The following OTOGL variants were observed in gnomAD, a reference collection of about 807,000 sequenced individuals.
OTOGL encodes the protein otogelin-like protein.
A neutral mutation model predicts 318.5 loss-of-function variants in OTOGL; 285 were observed. The observed-to-expected ratio is 0.89, with a 90% CI of 0.81 to 0.99. The LOEUF is 0.99. Among genes scored for constraint, OTOGL ranks in the 50% least tolerant of loss-of-function variants. OTOGL has a pLI of 0.00. For missense variants in OTOGL, 2,899 were observed against 2,845.6 expected, an observed-to-expected ratio of 1.02 and a Z score of -0.43; for synonymous variants, 987 against 936.5, an observed-to-expected ratio of 1.05 and a Z score of -0.99.
At chr12:80,196,859 T>C in intron 1 of OTOGL, among the ~76,000 whole-genome samples, 1 of 152,142 alleles carries the variant, frequency 6.6e-6, no homozygotes, top group East Asian at 1.9e-4. Context: ...CTTCCAAATT[T>C]AACCTGAGAC....
chr12:80,201,542 C>A (rs74108555), intron 1 of OTOGL, among the ~76,000 whole-genome samples: 4,957 of 152,228 alleles, frequency 0.033, 214 homozygotes, highest in East Asian at 0.18. Flanking sequence ...TGACTAGGCC[C>A]TGCATCCAAC....
Position 80,339,236 on chromosome 12 carries a change from C to G in OTOGL, c.5022C>G (p.Asn1674Lys), listed in dbSNP as rs1453469001. 10 of 1,587,888 alleles carry G rather than the reference C, an allele frequency of 6.3e-6. No individual in the cohort carries two copies. The highest frequency in any genetic ancestry group is 8.6e-6 in the Non-Finnish European group (10 of 1,165,066). Residue 1674 changes from asparagine (N) to lysine (K), a missense_variant, in exon 43 of 59, where the codon AAC (asparagine) becomes AAG (lysine). Asn to Lys is a moderately conservative substitution (Grantham distance 94). Transcript: ENST00000547103. The part of the protein sequence containing the change: ...IIDIHFGFRF[N>K]LSSYTEGLCG... ...ACATTCATTTTGGCTTCCGATTTAACTTGTCATCCTACACAGAAGGACTCT... is the reference window on the plus strand; with the variant it reads ...ACATTCATTTTGGCTTCCGATTTAAGTTGTCATCCTACACAGAAGGACTCT...
chr12:80,228,689 C>T (rs1056529903), intron 7 of OTOGL, among the ~76,000 whole-genome samples: 1 of 151,862 alleles, frequency 6.6e-6, no homozygotes, highest in Middle Eastern at 3.2e-3. Flanking sequence ...TTCCTCTTCT[C>T]TTTTCTTCCT....
intron 1 of OTOGL, among the ~76,000 whole-genome samples, chr12:80,150,784 C>T (rs1872737609): frequency 6.6e-6 from 1 of 152,102 alleles, no homozygotes; most frequent in African/African-American, 2.4e-5. Context: ...TGCAGATTCT[C>T]TGAAGCTCAT....
chr12:80,265,463 CAG>C (rs1882881639), intron 20 of OTOGL: 3 of 479,280 alleles, frequency 6.3e-6, no homozygotes. Flanking sequence ...AAATACGCAA[CAG>C]AAATAATTTA....
intron 1 of OTOGL, among the ~76,000 whole-genome samples, chr12:80,163,355 C>T (rs987428943): frequency 6.6e-6 from 1 of 152,024 alleles, no homozygotes; most frequent in Non-Finnish European, 1.5e-5. Flanking sequence ...AGAATCCTCT[C>T]TGTAAATAAA....
At chr12:80,284,373 T>G (rs951801125) in intron 26 of OTOGL, among the ~76,000 whole-genome samples, 18 of 152,292 alleles carry the variant, frequency 1.2e-4, no homozygotes, top group Admixed American at 7.2e-4. Context: ...GAATAATTTA[T>G]AAATCTTTGG....
At chr12:80,234,381 C>T (rs1879656548) in intron 9 of OTOGL, among the ~76,000 whole-genome samples, 1 of 152,122 alleles carries the variant, frequency 6.6e-6, no homozygotes, top group African/African-American at 2.4e-5. Context: ...CTATATAATA[C>T]TTCCGTTTTA....
chr12:80,253,363 T>A lies in OTOGL; in HGVS notation c.1286-103T>A, dbSNP rs932638435. Reference sequence around the variant, plus strand: ...AGTAAAGAAATTTGTATTTCCAGCATCATGCGTAGGTATTCAACAGAAGTT... The same window carrying A: ...AGTAAAGAAATTTGTATTTCCAGCAACATGCGTAGGTATTCAACAGAAGTT... On this transcript the variant is annotated intron_variant, in intron 13 of 58. Coordinates refer to ENST00000547103, the MANE Select transcript of OTOGL (RefSeq NM_001378609.3). 8 of 999,684 alleles carry A rather than the reference T, an allele frequency of 8.0e-6. No homozygotes were observed. In the Admixed American group the frequency reaches 1.6e-4, roughly 20 times the overall value. The allele number at this position is 999,684 out of a possible 1,614,324, so 61.9% of individuals were successfully genotyped here. A position where few individuals can be genotyped will look rare whatever the true frequency, so the allele number is the denominator to read the frequency against.
chr12:80,252,185 A>G lies in OTOGL; in HGVS notation c.1269A>G (p.Gly423=). 2 of 1,598,654 alleles carry G rather than the reference A, an allele frequency of 1.3e-6. No individual in the cohort carries two copies. Among genetic ancestry groups the G allele is most frequent in the South Asian group, 1.1e-5 (1 of 88,068 alleles). The change falls in exon 13 of 59, where the codon GGA becomes GGG. Residue 423 remains glycine (G), a synonymous_variant. Transcript: ENST00000547103. ...CLGSNLHCLD[G]CYCPDGLVMD... ...GGAGCAATCTCCATTGTCTTGATGG[A>G]TGTTACTGCCCAGATGGTAAGTGCT...
chr12:80,325,305 G>A (rs1007330868), intron 35 of OTOGL, among the ~76,000 whole-genome samples: 1 of 152,190 alleles, frequency 6.6e-6, no homozygotes. Context: ...TCTTTGGAAG[G>A]AAACAGAAAC....
chr12:80,185,769 A>G (rs1002017919), intron 1 of OTOGL, among the ~76,000 whole-genome samples: 3 of 152,240 alleles, frequency 2.0e-5, no homozygotes, highest in Non-Finnish European at 2.9e-5. Context: ...CATTTTACAC[A>G]TGGGTCCTAT....
chr12:80,291,548 T>C (rs1885043569), intron 26 of OTOGL, among the ~76,000 whole-genome samples: 1 of 152,202 alleles, frequency 6.6e-6, no homozygotes, highest in Non-Finnish European at 1.5e-5. Flanking sequence ...TTGGGGTTCC[T>C]AAGCCTGTCA....
intron 1 of OTOGL, among the ~76,000 whole-genome samples, chr12:80,188,477 G>T (rs1025366187): frequency 2.6e-5 from 4 of 151,530 alleles, no homozygotes; most frequent in African/African-American, 9.7e-5. Context: ...GACAGAGGTT[G>T]CAGTGAGCTG....
intron 1 of OTOGL, among the ~76,000 whole-genome samples, chr12:80,114,779 G>C (rs1007710887): frequency 1.3e-5 from 2 of 151,780 alleles, no homozygotes; most frequent in African/African-American, 4.8e-5. Context: ...GTCTTTTCAC[G>C]TAGTCCCATA....
intron 1 of OTOGL, among the ~76,000 whole-genome samples, chr12:80,149,790 G>A (rs543866111): frequency 1.3e-5 from 2 of 152,292 alleles, no homozygotes; most frequent in Non-Finnish European, 2.9e-5. Context: ...TTTTAAGCCC[G>A]TCGGAAAAGC....
chr12:80,235,325 C>T (rs150786977), intron 9 of OTOGL, among the ~76,000 whole-genome samples: 1,557 of 151,840 alleles, frequency 0.01, 9 homozygotes, highest in South Asian at 0.028. Flanking sequence ...ATTAGCCAGG[C>T]GTGGTGGCAG....
chr12:80,123,356 C>T (rs866785749), intron 1 of OTOGL, among the ~76,000 whole-genome samples: 4 of 152,144 alleles, frequency 2.6e-5, no homozygotes, highest in Non-Finnish European at 5.9e-5. Context: ...GTACAAAGGA[C>T]ATGAACTCAT....
At position 80,358,345 on chromosome 12, in the gene OTOGL, C is replaced by G. The variant is rs1209098813; in HGVS notation, c.6117C>G (p.Tyr2039Ter). 1 of 1,584,366 alleles carries G rather than the reference C, an allele frequency of 6.3e-7. No homozygotes were observed. The highest frequency in any genetic ancestry group is 1.3e-5 in the African/African-American group (1 of 74,308). Reference sequence around the variant, plus strand: ...CACACTTCTGTTGTCCTCAGTATTACTGTGGTAAGTGTATATTAACTATTC... The same window carrying G: ...CACACTTCTGTTGTCCTCAGTATTAGTGTGGTAAGTGTATATTAACTATTC... The part of the protein sequence containing the change: ...NSTHFCCPQY[Y>*]CVCEPNLCPM... The change falls in exon 50 of 59, where the codon TAC becomes TAG. Residue 2039 changes from tyrosine to a stop codon, truncating the protein, a stop_gained. Coordinates refer to ENST00000547103, the MANE Select transcript of OTOGL (RefSeq NM_001378609.3). LOFTEE classifies it high-confidence loss of function.
Sources: gnomAD v4.1 joint callset for allele counts (sites outside exome capture counted in the v4.1 genomes callset) on GRCh38, gnomAD v4.1.1 for gene constraint, MANE v1.5 for transcripts, NCBI Gene and HGNC (gene_info 2026-07-23, HGNC 2026-07-21) for gene names.